Variants in CLEC16A observed in about 807,000 individuals in gnomAD.
CLEC16A encodes protein CLEC16A.
A neutral mutation model predicts 109.5 loss-of-function variants in CLEC16A; 51 were observed. The observed-to-expected ratio is 0.47, with a 90% CI of 0.37 to 0.59. The LOEUF (loss-of-function observed/expected upper bound fraction) is 0.59, where lower values mean the gene tolerates loss of function less well. Ranked by LOEUF, CLEC16A falls within the 20% of genes least tolerant of loss-of-function variation. CLEC16A has a pLI of 0.00. For missense variants in CLEC16A, 1,339 were observed against 1,394.0 expected, an observed-to-expected ratio of 0.96 and a Z score of 0.63; for synonymous variants, 673 against 564.2, an observed-to-expected ratio of 1.19 and a Z score of -2.73.
chr16:11,104,119 G>T (rs1122185), intron 19 of CLEC16A, among the ~76,000 whole-genome samples: 1 of 151,736 alleles, frequency 6.6e-6, no homozygotes, highest in Admixed American at 6.6e-5. Flanking sequence ...GTTTTGGGGG[G>T]TTTTTTTGAG....
At chr16:11,120,371 T>C (rs181427365) in intron 19 of CLEC16A, among the ~76,000 whole-genome samples, 5 of 152,224 alleles carry the variant, frequency 3.3e-5, no homozygotes, top group Non-Finnish European at 7.3e-5. Context: ...TCCTAACTAG[T>C]AGCAGTTTGA....
chr16:11,169,782 C>T (rs2068428108), intron 23 of CLEC16A, among the ~76,000 whole-genome samples: 1 of 152,184 alleles, frequency 6.6e-6, no homozygotes, highest in African/African-American at 2.4e-5. Context: ...CCCAGGCACC[C>T]ACCAATCAGC....
chr16:10,984,809 G>C (rs1371323810), intron 10 of CLEC16A, among the ~76,000 whole-genome samples: 2 of 152,212 alleles, frequency 1.3e-5, no homozygotes, highest in East Asian at 3.8e-4. Context: ...GGTGCAGAGT[G>C]CCCTGCCAGC....
intron 4 of CLEC16A, among the ~76,000 whole-genome samples, chr16:10,970,649 C>T (rs867371521): frequency 6.6e-6 from 1 of 152,378 alleles, no homozygotes; most frequent in Middle Eastern, 3.4e-3. Flanking sequence ...AGCAATCCCC[C>T]CTCCTTGGCC....
chr16:11,037,128 C>T (rs2047066319), intron 13 of CLEC16A, among the ~76,000 whole-genome samples: 2 of 152,210 alleles, frequency 1.3e-5, no homozygotes, highest in Non-Finnish European at 1.5e-5. Context: ...CACCCCACCG[C>T]TAGGCTTCTC....
In CLEC16A at chr16:10,961,973, T is replaced by C. The variant is rs1596760342; in HGVS notation, c.210-482T>C. Reference sequence around the variant, plus strand: ...AACTTTTTTTTCTTTTTTTTCTTTTTTTTTTTTTTGGCTCTGTCACCCAGG... The same window carrying C: ...AACTTTTTTTTCTTTTTTTTCTTTTCTTTTTTTTTGGCTCTGTCACCCAGG... On this transcript the variant is annotated intron_variant, in intron 2 of 23. Coordinates refer to ENST00000409790, the MANE Select transcript of CLEC16A (RefSeq NM_015226.3). This position sits in a 1 kb window ranked among gnomAD's most constrained non-coding sequence, Gnocchi z 4.3. Among the ~76,000 whole-genome samples, 1 of 150,324 alleles carries C rather than the reference T, an allele frequency of 6.7e-6. No individual in the cohort carries two copies. Among genetic ancestry groups the C allele is most frequent in the Non-Finnish European group, 1.5e-5 (1 of 67,552 alleles).
At chr16:11,100,036 G>A (rs939137064) in intron 19 of CLEC16A, among the ~76,000 whole-genome samples, 2 of 152,140 alleles carry the variant, frequency 1.3e-5, no homozygotes, top group African/African-American at 2.4e-5. Flanking sequence ...TCTGACCACG[G>A]TGGCTCTGCC....
chr16:10,967,984 C>T (rs541428070), intron 3 of CLEC16A, among the ~76,000 whole-genome samples: 6 of 152,378 alleles, frequency 3.9e-5, no homozygotes, highest in Non-Finnish European at 5.9e-5. Context: ...TGACAAGCTC[C>T]GGGGTTGCTG....
intron 15 of CLEC16A, among the ~76,000 whole-genome samples, chr16:11,043,124 A>G (rs982976224): frequency 1.3e-5 from 2 of 152,178 alleles, no homozygotes; most frequent in African/African-American, 4.8e-5. Flanking sequence ...TTTGTCTTAT[A>G]CAAATGTAGT....
intron 10 of CLEC16A, among the ~76,000 whole-genome samples, chr16:10,995,775 G>A (rs140775716): frequency 1.3e-5 from 2 of 152,182 alleles, no homozygotes; most frequent in African/African-American, 4.8e-5. Context: ...CTTGGGGCCA[G>A]GTCTGCCTGG....
chr16:10,999,893 G>C (rs1337695442), intron 10 of CLEC16A, among the ~76,000 whole-genome samples: 3 of 152,190 alleles, frequency 2.0e-5, no homozygotes, highest in Non-Finnish European at 2.9e-5. Flanking sequence ...CTGGAGTGCG[G>C]TGGTTTAATC....
At chr16:11,099,825 C>A (rs1214577944) in intron 19 of CLEC16A, among the ~76,000 whole-genome samples, 1 of 152,200 alleles carries the variant, frequency 6.6e-6, no homozygotes, top group Non-Finnish European at 1.5e-5. Flanking sequence ...TTCTTCCCTG[C>A]CTGGGACCCA....
chr16:10,969,143 G>A lies in CLEC16A; in HGVS notation c.344-18G>A, dbSNP rs1567518101. ...CCTCCAGCATGAGTTAACCTGTTTT[G>A]TTTTTTTCTCCCTCTAGATTATTTG... is the stretch of plus-strand genomic sequence containing the variant. On this transcript the variant is annotated intron_variant, in intron 3 of 23. Transcript: ENST00000409790. 1 of 1,594,766 alleles carries A rather than the reference G, an allele frequency of 6.3e-7. No individual in the cohort carries two copies. Among genetic ancestry groups the A allele is most frequent in the Admixed American group, 1.8e-5 (1 of 56,732 alleles).
intron 1 of CLEC16A, among the ~76,000 whole-genome samples, chr16:10,955,108 A>G (rs2041925345): frequency 6.6e-6 from 1 of 152,196 alleles, no homozygotes; most frequent in Non-Finnish European, 1.5e-5. Context: ...CCAAGGCCAC[A>G]GTTAGGAGGT....
chr16:11,012,230 A>T (rs1166803824), intron 11 of CLEC16A, among the ~76,000 whole-genome samples: 1 of 152,204 alleles, frequency 6.6e-6, no homozygotes, highest in Non-Finnish European at 1.5e-5. Flanking sequence ...AACATATCTA[A>T]CTTCTACATA....
At chr16:10,995,108 A>C (rs554399547) in intron 10 of CLEC16A, among the ~76,000 whole-genome samples, 10 of 152,376 alleles carry the variant, frequency 6.6e-5, no homozygotes, top group African/African-American at 2.2e-4. Context: ...AAGTGTTCAG[A>C]GCCATGCTGG....
At chr16:11,142,359 G>A (rs1468805621) in intron 22 of CLEC16A, among the ~76,000 whole-genome samples, 1 of 152,230 alleles carries the variant, frequency 6.6e-6, no homozygotes, top group Non-Finnish European at 1.5e-5. Flanking sequence ...CACATGCGTG[G>A]CTCCTGGGCA....
chr16:11,147,258 G>T (rs1226070789), intron 22 of CLEC16A, among the ~76,000 whole-genome samples: 5 of 152,230 alleles, frequency 3.3e-5, no homozygotes, highest in Non-Finnish European at 7.3e-5. Flanking sequence ...GGGGAGCTGA[G>T]ACCCCAGTCC....
intron 13 of CLEC16A, among the ~76,000 whole-genome samples, chr16:11,026,782 A>G (rs2046430598): frequency 6.6e-6 from 1 of 151,898 alleles, no homozygotes; most frequent in Non-Finnish European, 1.5e-5. Flanking sequence ...TGAAACTGTA[A>G]CTTACAAGAA....
Sources: allele counts gnomAD v4.1 joint callset (sites outside exome capture counted in the v4.1 genomes callset), GRCh38; gene constraint gnomAD v4.1.1; non-coding constraint Gnocchi (gnomAD v3.1); transcripts MANE v1.5; gene names NCBI Gene and HGNC (gene_info 2026-07-23, HGNC 2026-07-21).